Variants in NAALADL2 observed in about 807,000 individuals in gnomAD.
The protein encoded by NAALADL2 is N-acetylated alpha-linked acidic dipeptidase like 2.
In NAALADL2, 76 loss-of-function variants were observed where a neutral mutation model predicts 87.2. The ratio of observed to expected loss-of-function variants is 0.87; its 90% confidence interval spans 0.72 to 1.05. The LOEUF is 1.05. Ranked by LOEUF, NAALADL2 falls within the 50% of genes least tolerant of loss-of-function variation. The pLI, the probability that NAALADL2 is intolerant of heterozygous loss-of-function variation, is 0.00. For synonymous variants in NAALADL2, 354 were observed against 331.0 expected, an observed-to-expected ratio of 1.07 and a Z score of -0.75; for missense variants, 1,089 against 945.8, an observed-to-expected ratio of 1.15 and a Z score of -1.99.
chr3:175,490,233 A>C (rs1326383347), intron 9 of NAALADL2, among the ~76,000 whole-genome samples: 1 of 151,462 alleles, frequency 6.6e-6, no homozygotes, highest in Non-Finnish European at 1.5e-5. Flanking sequence ...AGAGAGACAG[A>C]GAGGTATTAA....
Position 174,528,764 on chromosome 3 carries a change from A to G in NAALADL2, c.-183-21805A>G, listed in dbSNP as rs752975701. 2.0e-5 allele frequency among the ~76,000 whole-genome samples: 3 copies of G among 152,156 alleles called. 1 individual carries two copies. The highest frequency in any genetic ancestry group is 4.8e-5 in the African/African-American group (2 of 41,436). ...CACATGGTGGCAGATAAGAGAAGAGAGCTTGTGCAGAGAAACTCCCATTTT... is the reference window on the plus strand; with the variant it reads ...CACATGGTGGCAGATAAGAGAAGAGGGCTTGTGCAGAGAAACTCCCATTTT... On this transcript the variant is annotated intron_variant, in intron 1 of 3. Transcript: ENST00000434257.
chr3:174,890,848 T>A (rs994331770), intron 1 of NAALADL2, among the ~76,000 whole-genome samples: 2 of 152,160 alleles, frequency 1.3e-5, no homozygotes, highest in Non-Finnish European at 2.9e-5. Context: ...AAATATTGAT[T>A]TCTTTATTTG....
At chr3:175,653,281 T>G (rs77973617) in intron 11 of NAALADL2, among the ~76,000 whole-genome samples, 1 of 152,148 alleles carries the variant, frequency 6.6e-6, no homozygotes, top group Non-Finnish European at 1.5e-5. Context: ...CTGACTTTTT[T>G]GCTAATCCTT....
chr3:174,834,563 C>T (rs1723115058), intron 3 of NAALADL2, among the ~76,000 whole-genome samples: 1 of 151,862 alleles, frequency 6.6e-6, no homozygotes, highest in South Asian at 2.1e-4. Flanking sequence ...AATAAATATA[C>T]AAAAAGCTAC....
intron 4 of NAALADL2, among the ~76,000 whole-genome samples, chr3:175,321,999 T>A (rs1237883229): frequency 6.6e-6 from 1 of 151,990 alleles, no homozygotes; most frequent in African/African-American, 2.4e-5. Flanking sequence ...TTAAAGTTCT[T>A]ATGGAACCAA....
intron 2 of NAALADL2, among the ~76,000 whole-genome samples, chr3:175,118,749 G>C (rs146442324): frequency 1.3e-5 from 2 of 151,854 alleles, no homozygotes; most frequent in Admixed American, 6.6e-5. Flanking sequence ...AATCTCTGCT[G>C]TAACAATATC....
intron 10 of NAALADL2, among the ~76,000 whole-genome samples, chr3:175,599,141 A>G (rs1722624690): frequency 6.6e-6 from 1 of 152,158 alleles, no homozygotes; most frequent in Non-Finnish European, 1.5e-5. Context: ...GTGAACTATG[A>G]AAATTACTGC....
At chr3:175,269,644 AT>A (rs1309032194) in intron 4 of NAALADL2, among the ~76,000 whole-genome samples, 1 of 152,198 alleles carries the variant, frequency 6.6e-6, no homozygotes, top group African/African-American at 2.4e-5. Context: ...AAATTCCTGT[AT>A]AAGTAGGATG....
chr3:175,559,929 T>C (rs1715997440), intron 9 of NAALADL2, among the ~76,000 whole-genome samples: 2 of 152,226 alleles, frequency 1.3e-5, no homozygotes, highest in South Asian at 4.1e-4. Context: ...CTGGTTTTGG[T>C]ATCAGGGTAA....
intron 9 of NAALADL2, among the ~76,000 whole-genome samples, chr3:175,564,814 A>G (rs1044216746): frequency 2.0e-5 from 3 of 152,148 alleles, no homozygotes; most frequent in African/African-American, 7.2e-5. Context: ...TATCTTTTCA[A>G]CGTGTTCAAA....
chr3:174,729,307 T>C (rs1329193079), intron 2 of NAALADL2, among the ~76,000 whole-genome samples: 2 of 152,040 alleles, frequency 1.3e-5, no homozygotes, highest in Non-Finnish European at 2.9e-5. Context: ...TTAATACTTA[T>C]AAAAGGTCAA....
intron 2 of NAALADL2, among the ~76,000 whole-genome samples, chr3:175,184,750 T>A (rs904627638): frequency 1.3e-5 from 2 of 152,156 alleles, no homozygotes; most frequent in African/African-American, 4.8e-5. Context: ...GAATACTGAC[T>A]GGCATTTACT....
intron 1 of NAALADL2, among the ~76,000 whole-genome samples, chr3:174,953,041 AT>A (rs1248540192): frequency 6.6e-6 from 1 of 152,030 alleles, no homozygotes; most frequent in African/African-American, 2.4e-5. Flanking sequence ...ATATTTTCAC[AT>A]TTAATCCTTA....
chr3:175,617,876 A>C (rs559085392), intron 10 of NAALADL2, among the ~76,000 whole-genome samples: 1 of 152,254 alleles, frequency 6.6e-6, no homozygotes, highest in African/African-American at 2.4e-5. Context: ...TGAGAGGCTT[A>C]GTTCTAGTCT....
chr3:175,566,810 T>C (rs1439180806), intron 9 of NAALADL2, among the ~76,000 whole-genome samples: 1 of 152,172 alleles, frequency 6.6e-6, no homozygotes, highest in African/African-American at 2.4e-5. Flanking sequence ...TAGCTATTTG[T>C]CTGTTAAATA....
intron 1 of NAALADL2, among the ~76,000 whole-genome samples, chr3:174,897,938 C>A (rs1406960886): frequency 7.2e-6 from 1 of 139,320 alleles, no homozygotes; most frequent in East Asian, 2.0e-4. Context: ...ACGGTGAAAC[C>A]CCGTCTCTAC....
intron 1 of NAALADL2, among the ~76,000 whole-genome samples, chr3:174,884,665 G>T (rs1390343037): frequency 6.6e-6 from 1 of 152,046 alleles, no homozygotes; most frequent in African/African-American, 2.4e-5. Flanking sequence ...CTACTTAGTG[G>T]GCCTGAATCC....
chr3:174,831,789 T>C (rs1347462299), intron 3 of NAALADL2, among the ~76,000 whole-genome samples: 1 of 151,256 alleles, frequency 6.6e-6, no homozygotes, highest in Non-Finnish European at 1.5e-5. Context: ...TTTCAGATCC[T>C]GTTATTGGTC....
At chr3:175,135,845 A>G (rs953364243) in intron 2 of NAALADL2, among the ~76,000 whole-genome samples, 5 of 152,220 alleles carry the variant, frequency 3.3e-5, no homozygotes, top group Non-Finnish European at 5.9e-5. Flanking sequence ...TGAGAGCAGA[A>G]TTTTAGGAAC....
Sources: allele counts gnomAD v4.1 joint callset (sites outside exome capture counted in the v4.1 genomes callset), GRCh38; gene constraint gnomAD v4.1.1; transcripts MANE v1.5; gene names NCBI Gene and HGNC (gene_info 2026-07-23, HGNC 2026-07-21).